Variants in SPATA18 observed in about 807,000 individuals in gnomAD.
SPATA18 encodes the protein spermatogenesis associated 18, also known as mitochondria-eating protein.
A neutral mutation model predicts 68.1 loss-of-function variants in SPATA18; 54 were observed. That is an observed-to-expected ratio of 0.79 (90% confidence interval 0.64 to 0.99). SPATA18 has a LOEUF of 0.99. SPATA18 is among the 50% of genes least tolerant of loss of function. The pLI, the probability that SPATA18 is intolerant of heterozygous loss-of-function variation, is 0.00. For synonymous variants in SPATA18, 242 were observed against 244.8 expected (o/e 0.99, Z 0.11); for missense variants, 724 against 681.1 (o/e 1.06, Z -0.70).
chr4:52,092,658 A>C, intron 11 of SPATA18, among the ~76,000 whole-genome samples: 1 of 152,206 alleles, frequency 6.6e-6, no homozygotes, highest in East Asian at 1.9e-4. Context: ...CTATTCAGCC[A>C]TCTTGAATCT....
chr4:52,059,195 A>G (rs1480767249), intron 1 of SPATA18, among the ~76,000 whole-genome samples: 2 of 152,098 alleles, frequency 1.3e-5, no homozygotes, highest in African/African-American at 2.4e-5. Flanking sequence ...TTGACTTGTA[A>G]ACTTTTGCCT....
chr4:52,080,635 G>C (rs1391036704), intron 9 of SPATA18, among the ~76,000 whole-genome samples: 1 of 152,132 alleles, frequency 6.6e-6, no homozygotes, highest in Non-Finnish European at 1.5e-5. Flanking sequence ...AGCTGCTTAG[G>C]TTCAAATTTC....
At chr4:52,071,885 C>T (rs762789662) in intron 5 of SPATA18, 32 bp from the exon 6 acceptor site, 6 of 1,605,522 alleles carry the variant, frequency 3.7e-6, no homozygotes, top group Non-Finnish European at 4.3e-6. Context: ...CTCCTCTCTT[C>T]CCTTCCTCTG....
intron 1 of SPATA18, among the ~76,000 whole-genome samples, chr4:52,059,815 C>G (rs1738670384): frequency 6.6e-6 from 1 of 152,226 alleles, no homozygotes; most frequent in Non-Finnish European, 1.5e-5. Flanking sequence ...ATAATATATA[C>G]AAATTGAATT....
intron 6 of SPATA18, among the ~76,000 whole-genome samples, chr4:52,072,925 C>T (rs1241775022): frequency 2.6e-5 from 4 of 152,124 alleles, no homozygotes; most frequent in Non-Finnish European, 2.9e-5. Flanking sequence ...AAATCCCTTT[C>T]TACTTATGGA....
At chr4:52,088,184 G>A (rs1266427896) in intron 11 of SPATA18, among the ~76,000 whole-genome samples, 2 of 152,058 alleles carry the variant, frequency 1.3e-5, no homozygotes, top group South Asian at 2.1e-4. Flanking sequence ...GAGACGATGC[G>A]GTTTTCTAAA....
At chr4:52,064,972 G>A (rs183185336) in intron 4 of SPATA18, among the ~76,000 whole-genome samples, 2 of 152,300 alleles carry the variant, frequency 1.3e-5, no homozygotes, top group Admixed American at 1.3e-4. Context: ...AATTCTTGCA[G>A]GAGTAAGATG....
intron 1 of SPATA18, among the ~76,000 whole-genome samples, chr4:52,053,814 C>T (rs573404635): frequency 2.6e-5 from 4 of 152,324 alleles, no homozygotes; most frequent in Non-Finnish European, 5.9e-5. Context: ...CATCTTTCAC[C>T]TGGATTATTA....
chr4:52,082,634 G>T (rs1461028644), intron 10 of SPATA18, 124 bp downstream of exon 10: 6 of 1,575,210 alleles, frequency 3.8e-6, no homozygotes, highest in Non-Finnish European at 4.3e-6. Context: ...TCATACAAAG[G>T]AGAGGTCGGA....
chr4:52,069,194 C>A (rs559025214), intron 4 of SPATA18, among the ~76,000 whole-genome samples: 1 of 152,152 alleles, frequency 6.6e-6, no homozygotes, highest in African/African-American at 2.4e-5. Context: ...ACTAGATAGA[C>A]CTAAATAACA....
chr4:52,058,129 G>A (rs532594032), intron 1 of SPATA18, among the ~76,000 whole-genome samples: 2 of 152,308 alleles, frequency 1.3e-5, no homozygotes, highest in African/African-American at 2.4e-5. Context: ...GGAAGAAATG[G>A]AGATAGCTGT....
chr4:52,089,224 T>A (rs1050012035), intron 11 of SPATA18, among the ~76,000 whole-genome samples: 16 of 152,130 alleles, frequency 1.1e-4, no homozygotes, highest in Non-Finnish European at 2.4e-4. Context: ...AGATCTTTTT[T>A]AAAAAAACCA....
At chr4:52,064,383 G>A (rs1016735795) in intron 4 of SPATA18, among the ~76,000 whole-genome samples, 20 of 152,118 alleles carry the variant, frequency 1.3e-4, no homozygotes, top group East Asian at 9.7e-4. Context: ...TCACCTGAGC[G>A]GTATACACTA....
In SPATA18 at chr4:52,069,935, G is replaced by A. The variant is rs749553095; in HGVS notation, c.518+19G>A. ...AAAAGCAGTAAGAAAAAAATTACAGGATTATTGCAGCCTAAATCATTGAAT... is the reference window on the plus strand; with the variant it reads ...AAAAGCAGTAAGAAAAAAATTACAGAATTATTGCAGCCTAAATCATTGAAT... On this transcript the variant is annotated intron_variant, in intron 5 of 12. Coordinates refer to ENST00000295213, the MANE Select transcript of SPATA18 (RefSeq NM_145263.4). 6.4e-7 allele frequency: 1 copy of A among 1,552,964 alleles called. No homozygotes were observed. The highest frequency in any genetic ancestry group is 2.3e-5 in the East Asian group (1 of 43,934).
At chr4:52,092,699 A>G (rs1054524844) in intron 11 of SPATA18, among the ~76,000 whole-genome samples, 5 of 152,162 alleles carry the variant, frequency 3.3e-5, no homozygotes, top group Non-Finnish European at 7.4e-5. Context: ...ATGAGCATCT[A>G]TTGTGACTCC....
At chr4:52,070,572 A>C (rs1418900512) in intron 5 of SPATA18, among the ~76,000 whole-genome samples, 1 of 151,998 alleles carries the variant, frequency 6.6e-6, no homozygotes, top group Non-Finnish European at 1.5e-5. Flanking sequence ...ATTAGGAGAT[A>C]TACCTAATGC....
chr4:52,062,301 A>T lies in SPATA18; in HGVS notation c.391A>T (p.Thr131Ser). The change falls in exon 4 of 13, where the codon ACC becomes TCC. Residue 131 changes from threonine (T) to serine (S), a missense_variant. Physicochemically the swap from Thr to Ser is moderately conservative, Grantham distance 58. Coordinates refer to ENST00000295213, the MANE Select transcript of SPATA18 (RefSeq NM_145263.4). Reference protein sequence around the residue: ...MQQLDSNLNSTRSQCNQVQDD... With the variant: ...MQQLDSNLNSSRSQCNQVQDD... ...ACAGTTAGACTCTAATTTGAACTCA[A>T]CCCGGAGTCAATGCAACCAGGTTCA... 6.2e-7 allele frequency: 1 copy of T among 1,610,718 alleles called. No homozygotes were observed. The highest frequency in any genetic ancestry group is 8.5e-7 in the Non-Finnish European group (1 of 1,178,120).
At chr4:52,085,767 G>C (rs1560608866) in intron 11 of SPATA18, among the ~76,000 whole-genome samples, 1 of 152,084 alleles carries the variant, frequency 6.6e-6, no homozygotes, top group Non-Finnish European at 1.5e-5. Flanking sequence ...AAATTAGCCA[G>C]GCATGGTGGC....
intron 8 of SPATA18, among the ~76,000 whole-genome samples, 154 bp downstream of exon 8, chr4:52,079,047 G>T (rs1740671358): frequency 6.6e-6 from 1 of 152,146 alleles, no homozygotes; most frequent in Non-Finnish European, 1.5e-5. Context: ...GGTAGCACCT[G>T]CCATTATTGA....
Sources: allele counts gnomAD v4.1 joint callset (sites outside exome capture counted in the v4.1 genomes callset), GRCh38; gene constraint gnomAD v4.1.1; transcripts MANE v1.5; gene names NCBI Gene and HGNC (gene_info 2026-07-23, HGNC 2026-07-21).